The following SOX6 variants were observed in gnomAD, a reference collection of about 807,000 sequenced individuals.
SOX6 encodes the protein transcription factor SOX-6.
In SOX6, 11 loss-of-function variants were observed where a neutral mutation model predicts 97.8. The observed-to-expected ratio is 0.11, with a 90% CI of 0.07 to 0.19. SOX6 has a LOEUF of 0.19. Ranked by LOEUF, SOX6 falls within the 10% of genes least tolerant of loss-of-function variation. SOX6 has a pLI of 1.00. For synonymous variants in SOX6, 360 were observed against 371.4 expected (o/e 0.97, Z 0.35); for missense variants, 810 against 1,039.5 (o/e 0.78, Z 3.04).
At chr11:16,664,880 CAG>C (rs941133927) in intron 3 of SOX6, among the ~76,000 whole-genome samples, 35 of 151,922 alleles carry the variant, frequency 2.3e-4, no homozygotes, top group African/African-American at 8.0e-4. Context: ...GATAGGGCAG[CAG>C]AGAGAGTCCT....
intron 1 of SOX6, among the ~76,000 whole-genome samples, chr11:16,351,639 T>C (rs1477840944): frequency 6.6e-6 from 1 of 152,074 alleles, no homozygotes; most frequent in Admixed American, 6.6e-5. Context: ...AAACTTCACT[T>C]ATTGTTGCCT....
At chr11:16,556,363 A>G (rs1348700499) in intron 4 of SOX6, among the ~76,000 whole-genome samples, 1 of 151,776 alleles carries the variant, frequency 6.6e-6, no homozygotes, top group Non-Finnish European at 1.5e-5. Context: ...ACTACCAGCA[A>G]TGCTAATCTA....
chr11:16,439,592 C>CA (rs1000527453), intron 1 of SOX6, among the ~76,000 whole-genome samples: 2 of 152,204 alleles, frequency 1.3e-5, no homozygotes, highest in East Asian at 1.9e-4. Flanking sequence ...GCTACAGCAC[C>CA]AAAAAATGGC....
intron 4 of SOX6, among the ~76,000 whole-genome samples, chr11:16,521,793 T>C (rs941989214): frequency 4.6e-5 from 7 of 152,124 alleles, no homozygotes; most frequent in African/African-American, 1.4e-4. Context: ...AAGGAGCTGA[T>C]GGAGCTGAAA....
At chr11:16,064,343 C>G (rs1055414150) in intron 9 of SOX6, among the ~76,000 whole-genome samples, 1 of 151,578 alleles carries the variant, frequency 6.6e-6, no homozygotes, top group East Asian at 1.9e-4. Flanking sequence ...CCTTACACAC[C>G]AAATTCTTTT....
rs186404989 is a variant in SOX6, at chr11:16,034,144, T to C, written c.1623+12370A>G. ...AACATAGGCAAGAGAACCCCAAATATATGGTTTCTTTTCTTAAAAAATTAT... is the reference window on the plus strand; with the variant it reads ...AACATAGGCAAGAGAACCCCAAATACATGGTTTCTTTTCTTAAAAAATTAT... On this transcript the variant is annotated intron_variant, in intron 12 of 15. Coordinates refer to ENST00000683767, the MANE Select transcript of SOX6 (RefSeq NM_001367873.1). Among the ~76,000 whole-genome samples the C allele has an allele frequency of 3.6e-4, 55 of 152,270 alleles. No individual in the cohort carries two copies. In the East Asian group the frequency reaches 9.3e-3, roughly 26 times the overall value.
chr11:16,312,795 G>GGT (rs1855643004), intron 3 of SOX6: 2 of 152,184 alleles, frequency 1.3e-5, no homozygotes, highest in Middle Eastern at 3.4e-3. Context: ...AGCTATATTG[G>GGT]CAACAAGACG....
chr11:16,578,931 A>G (rs1459358875), intron 4 of SOX6, among the ~76,000 whole-genome samples: 1 of 152,120 alleles, frequency 6.6e-6, no homozygotes, highest in African/African-American at 2.4e-5. Flanking sequence ...TTTGATTTCC[A>G]AAATAGCTGA....
At chr11:16,378,384 A>G (rs1232745162) in intron 1 of SOX6, among the ~76,000 whole-genome samples, 1 of 152,180 alleles carries the variant, frequency 6.6e-6, no homozygotes, top group Non-Finnish European at 1.5e-5. Flanking sequence ...GGAAAAACAA[A>G]TACTCAAGAA....
intron 10 of SOX6, 79 bp from the exon 11 acceptor site, chr11:16,050,017 T>G: frequency 7.0e-7 from 1 of 1,437,384 alleles, no homozygotes; most frequent in South Asian, 1.1e-5. Flanking sequence ...CACAGTTATT[T>G]TACACCTCAG....
chr11:16,329,035 T>C (rs553309053), intron 2 of SOX6, among the ~76,000 whole-genome samples: 1 of 152,256 alleles, frequency 6.6e-6, no homozygotes, highest in South Asian at 2.1e-4. Flanking sequence ...TGCTAGTATA[T>C]TAGATTTACA....
At chr11:16,714,198 G>A (rs2134049448) in intron 3 of SOX6, among the ~76,000 whole-genome samples, 1 of 151,866 alleles carries the variant, frequency 6.6e-6, no homozygotes, top group Non-Finnish European at 1.5e-5. Context: ...GTTCAAATAG[G>A]TTTATGTAGA....
At chr11:16,108,653 G>A (rs2133990921) in intron 7 of SOX6, among the ~76,000 whole-genome samples, 1 of 152,280 alleles carries the variant, frequency 6.6e-6, no homozygotes, top group Non-Finnish European at 1.5e-5. Context: ...TTTAAAAATA[G>A]GGATTAAAAC....
At chr11:16,479,703 G>A (rs1860310403), upstream of SOX6, among the ~76,000 whole-genome samples, 1 of 152,050 alleles carries the variant, frequency 6.6e-6, no homozygotes, top group African/African-American at 2.4e-5. Context: ...TTATAAACTG[G>A]ACAAAAACTG....
intron 3 of SOX6, among the ~76,000 whole-genome samples, chr11:16,240,389 A>C (rs745545406): frequency 6.6e-6 from 1 of 151,646 alleles, no homozygotes; most frequent in Non-Finnish European, 1.5e-5. Flanking sequence ...AGGAAGAAAA[A>C]GCTCCATACC....
At chr11:16,023,908 C>T (rs1054668572) in intron 12 of SOX6, among the ~76,000 whole-genome samples, 1 of 152,092 alleles carries the variant, frequency 6.6e-6, no homozygotes, top group Non-Finnish European at 1.5e-5. Context: ...AATAACTTCA[C>T]GAGATTTGGA....
intron 4 of SOX6, among the ~76,000 whole-genome samples, chr11:16,493,030 AAG>A (rs1483179311): frequency 1.3e-5 from 2 of 152,202 alleles, no homozygotes; most frequent in Non-Finnish European, 2.9e-5. Context: ...TGTAAATTAG[AAG>A]AATTTGTGTA....
Position 16,317,578 on chromosome 11 carries a change from C to T in SOX6, c.445+868G>A, listed in dbSNP as rs182097250. The T allele has an allele frequency of 7.8e-3, 1,212 of 154,670 alleles. 9 individuals carry two copies. The highest frequency in any genetic ancestry group is 0.051 in the Middle Eastern group (15 of 296). 9.6% of individuals were successfully genotyped at this position (154,670 alleles called of 1,614,324 possible). ...GCAATATATTTTAGAAAGACTTCTA[C>T]GAAAATTAATTGGAATCTTTTAAGT... On this transcript the variant is annotated intron_variant, in intron 3 of 15. Transcript: ENST00000683767.
At chr11:16,132,444 A>AGAAAGAAAGAAAGAAGAAAG in intron 6 of SOX6, among the ~76,000 whole-genome samples, 1 of 27,240 alleles carries the variant, frequency 3.7e-5, no homozygotes, top group African/African-American at 1.7e-4. Flanking sequence ...AAAGAAAGAA[A>AGAAAGAAAGAAAGAAGAAAG]AAAGAAAGAA....
Sources: allele counts gnomAD v4.1 joint callset (sites outside exome capture counted in the v4.1 genomes callset), GRCh38; gene constraint gnomAD v4.1.1; transcripts MANE v1.5; gene names NCBI Gene and HGNC (gene_info 2026-07-23, HGNC 2026-07-21).